Variants in MAPK10 observed in about 807,000 individuals in gnomAD.
MAPK10 encodes mitogen-activated protein kinase 10.
A neutral mutation model predicts 59.3 loss-of-function variants in MAPK10; 25 were observed. The observed-to-expected ratio is 0.42, with a 90% CI of 0.31 to 0.59. The LOEUF is 0.59. Ranked by LOEUF, MAPK10 falls within the 20% of genes least tolerant of loss-of-function variation. The pLI is 0.15. For missense variants in MAPK10, 351 were observed against 568.9 expected (o/e 0.62, Z 3.90); for synonymous variants, 190 against 200.5 (o/e 0.95, Z 0.44).
At chr4:86,464,414 T>A (rs969112318) in intron 1 of MAPK10, among the ~76,000 whole-genome samples, 1 of 152,236 alleles carries the variant, frequency 6.6e-6, no homozygotes, top group African/African-American at 2.4e-5. Context: ...GATTTCTGAT[T>A]CTTCACACGT....
At chr4:86,071,709 C>T (rs1337986051) in intron 9 of MAPK10, among the ~76,000 whole-genome samples, 3 of 151,236 alleles carry the variant, frequency 2.0e-5, no homozygotes, top group African/African-American at 2.4e-5. Flanking sequence ...TGTAGGTATG[C>T]GGCGTTATTT....
chr4:86,322,726 A>G (rs1007833315), intron 2 of MAPK10, among the ~76,000 whole-genome samples: 1 of 152,214 alleles, frequency 6.6e-6, no homozygotes, highest in Non-Finnish European at 1.5e-5. Context: ...ATTACTGATA[A>G]GTAATAAGAT....
At chr4:86,096,206 G>T (rs1319041425) in intron 9 of MAPK10, among the ~76,000 whole-genome samples, 1 of 151,344 alleles carries the variant, frequency 6.6e-6, no homozygotes, top group East Asian at 1.9e-4. Flanking sequence ...ACATATCAAG[G>T]ATATAAATGT....
intron 11 of MAPK10, among the ~76,000 whole-genome samples, chr4:86,037,236 C>T (rs572779427): frequency 9.9e-5 from 15 of 152,220 alleles, no homozygotes; most frequent in Non-Finnish European, 1.2e-4. Flanking sequence ...ATTGAGCTTT[C>T]GAAGGTAAAA....
Position 86,038,435 on chromosome 4 carries a change from C to T in MAPK10, c.1111-7004G>A, listed in dbSNP as rs556502490. ...TCAAAAGATGCATGCTTTATTAAAACGCTTTAAGCAAGAAGGGTATATCTT... is the reference window on the plus strand; with the variant it reads ...TCAAAAGATGCATGCTTTATTAAAATGCTTTAAGCAAGAAGGGTATATCTT... On this transcript the variant is annotated intron_variant, in intron 11 of 13. Coordinates refer to ENST00000641462, the MANE Select transcript of MAPK10 (RefSeq NM_138982.4). Among the ~76,000 whole-genome samples, 8 of 152,178 alleles carry T rather than the reference C, an allele frequency of 5.3e-5. No homozygotes were observed. In the East Asian group the frequency reaches 5.8e-4, roughly 11 times the overall value.
chr4:86,359,479 C>G (rs1736360577), intron 1 of MAPK10, among the ~76,000 whole-genome samples, 179 bp downstream of exon 1: 1 of 151,942 alleles, frequency 6.6e-6, no homozygotes. Flanking sequence ...ATGTTCTGCA[C>G]AGAGGGAAAA....
rs539218814 is a variant in MAPK10 at position 86,387,150 on chromosome 4, G to A, written c.-121-32506C>T. On this transcript the variant is annotated intron_variant, in intron 1 of 13. Transcript: ENST00000361569. Reference sequence around the variant, plus strand: ...AGCATATTTTATTATGCACTTCATGGCTGGAAATGAAGCAGCCGGAGGGGC... The same window carrying A: ...AGCATATTTTATTATGCACTTCATGACTGGAAATGAAGCAGCCGGAGGGGC... Among the ~76,000 whole-genome samples, 6 of 152,270 alleles carry A rather than the reference G, an allele frequency of 3.9e-5. No individual in the cohort carries two copies. In the East Asian group the frequency reaches 1.2e-3, roughly 29 times the overall value.
intron 1 of MAPK10, among the ~76,000 whole-genome samples, chr4:86,543,028 G>A (rs1170506932): frequency 1.3e-5 from 2 of 152,140 alleles, no homozygotes; most frequent in African/African-American, 4.8e-5. Context: ...CAGAGGGCAA[G>A]GAAGGTTCAC....
intron 1 of MAPK10, among the ~76,000 whole-genome samples, chr4:86,447,428 G>A (rs537964662): frequency 6.6e-6 from 1 of 152,184 alleles, no homozygotes; most frequent in South Asian, 2.1e-4. Context: ...TTTCTTTACA[G>A]CAGTGTGAAA....
At chr4:86,056,753 A>G (rs2044624615) in intron 11 of MAPK10, among the ~76,000 whole-genome samples, 1 of 149,870 alleles carries the variant, frequency 6.7e-6, no homozygotes, top group Non-Finnish European at 1.5e-5. Flanking sequence ...AAATTAATAC[A>G]TGAATCTTTA....
intron 1 of MAPK10, among the ~76,000 whole-genome samples, chr4:86,586,282 A>C (rs972777411): frequency 6.6e-6 from 1 of 152,208 alleles, no homozygotes; most frequent in African/African-American, 2.4e-5. Context: ...TGAATTAGGC[A>C]GTTTGACTTC....
intron 1 of MAPK10, among the ~76,000 whole-genome samples, chr4:86,419,865 A>G (rs1341642010): frequency 6.6e-6 from 1 of 152,216 alleles, no homozygotes; most frequent in Non-Finnish European, 1.5e-5. Context: ...TGAAGAAAAT[A>G]TTGAAAATAA....
At chr4:86,376,149 C>T (rs2148997272) in intron 1 of MAPK10, among the ~76,000 whole-genome samples, 1 of 152,256 alleles carries the variant, frequency 6.6e-6, no homozygotes, top group East Asian at 1.9e-4. Flanking sequence ...CATTTTTCCC[C>T]TTATTAGAGC....
At chr4:86,271,671 G>A (rs1409362879) in intron 2 of MAPK10, among the ~76,000 whole-genome samples, 1 of 151,838 alleles carries the variant, frequency 6.6e-6, no homozygotes, top group Non-Finnish European at 1.5e-5. Flanking sequence ...GGGCTTGGGA[G>A]GCCTCAGGAA....
chr4:86,021,658 G>A (rs1477734200), intron 13 of MAPK10, among the ~76,000 whole-genome samples: 6 of 152,260 alleles, frequency 3.9e-5, no homozygotes, highest in Non-Finnish European at 8.8e-5. Flanking sequence ...GGAGCAGGGG[G>A]TGGTGCTCGT....
chr4:86,421,065 T>C (rs983069957), intron 1 of MAPK10, among the ~76,000 whole-genome samples: 12 of 151,386 alleles, frequency 7.9e-5, no homozygotes, highest in Non-Finnish European at 1.2e-4. Flanking sequence ...CTGGGTGACA[T>C]AGTGAGACTC....
intron 1 of MAPK10, among the ~76,000 whole-genome samples, chr4:86,450,784 A>G (rs1750607893): frequency 6.6e-6 from 1 of 152,272 alleles, no homozygotes; most frequent in Non-Finnish European, 1.5e-5. Flanking sequence ...AAACTGTTCC[A>G]GCACTTTCAA....
chr4:86,121,306 CTTG>C, intron 4 of MAPK10, among the ~76,000 whole-genome samples: 1 of 152,230 alleles, frequency 6.6e-6, no homozygotes, highest in Non-Finnish European at 1.5e-5. Context: ...AAGGCACCAT[CTTG>C]TTGTGTTCTT....
chr4:86,110,007 G>A (rs558632508), intron 4 of MAPK10, among the ~76,000 whole-genome samples: 1 of 151,942 alleles, frequency 6.6e-6, no homozygotes, highest in Non-Finnish European at 1.5e-5. Flanking sequence ...TTTCATGTTT[G>A]TTGGCTGCAT....
Sources: allele counts gnomAD v4.1 joint callset (sites outside exome capture counted in the v4.1 genomes callset), GRCh38; gene constraint gnomAD v4.1.1; transcripts MANE v1.5; gene names NCBI Gene and HGNC (gene_info 2026-07-23, HGNC 2026-07-21).